The following RIC3 variants were observed in gnomAD, a reference collection of about 807,000 sequenced individuals.
RIC3 encodes the protein protein RIC-3.
In RIC3, 28 loss-of-function variants were observed where a neutral mutation model predicts 27.3. The ratio of observed to expected loss-of-function variants is 1.02; its 90% confidence interval spans 0.76 to 1.41. RIC3 has a LOEUF of 1.41. Ranked by LOEUF, RIC3 falls within the 40% of genes most tolerant of loss-of-function variation. The pLI, the probability that RIC3 is intolerant of heterozygous loss-of-function variation, is 0.00. For missense variants in RIC3, 501 were observed against 444.7 expected (o/e 1.13, Z -1.14); for synonymous variants, 184 against 160.4 (o/e 1.15, Z -1.11).
At chr11:8,134,323 A>T (rs958095005) in intron 4 of RIC3, among the ~76,000 whole-genome samples, 1 of 152,108 alleles carries the variant, frequency 6.6e-6, no homozygotes, top group African/African-American at 2.4e-5. Flanking sequence ...AAGGACATGA[A>T]CTCATCATTT....
At chr11:8,115,339 A>G (rs1302769469) in intron 5 of RIC3, among the ~76,000 whole-genome samples, 1 of 152,104 alleles carries the variant, frequency 6.6e-6, no homozygotes, top group Non-Finnish European at 1.5e-5. Context: ...TCAACCAAGA[A>G]TATTGTAGTT....
rs532640467 is a variant in RIC3 at position 8,134,442 on chromosome 11, G to A, written c.521+2936C>T. Among the ~76,000 whole-genome samples the A allele has an allele frequency of 1.1e-4, 16 of 152,258 alleles. No homozygotes were observed. In the East Asian group the frequency reaches 2.9e-3, roughly 28 times the overall value. ...CCAAGTCTTTGCTATTGTGAATAGT[G>A]CCTCAGTAAACATATGTGTGCATGT... On this transcript the variant is annotated intron_variant, in intron 4 of 5. Coordinates refer to ENST00000309737, the MANE Select transcript of RIC3 (RefSeq NM_001206671.4).
At chr11:8,148,455 T>C (rs1477332609) in intron 1 of RIC3, among the ~76,000 whole-genome samples, 1 of 152,230 alleles carries the variant, frequency 6.6e-6, no homozygotes, top group Non-Finnish European at 1.5e-5. Flanking sequence ...TAATGTTCAA[T>C]AAACTGGATC....
At chr11:8,151,313 C>T (rs909844961) in intron 1 of RIC3, among the ~76,000 whole-genome samples, 6 of 152,040 alleles carry the variant, frequency 3.9e-5, no homozygotes, top group East Asian at 3.9e-4. Context: ...ATAGGCCGGG[C>T]GCGGTGGCTC....
intron 2 of RIC3, 120 bp downstream of exon 2, chr11:8,139,847 T>C (rs541180470): frequency 1.6e-4 from 140 of 874,512 alleles, no homozygotes; most frequent in Non-Finnish European, 2.3e-4. Context: ...AGGCAGGATT[T>C]AAAGAGATGA....
At chr11:8,135,722 G>C (rs1357856570) in intron 4 of RIC3, 1 of 152,184 alleles carries the variant, frequency 6.6e-6, no homozygotes, top group African/African-American at 2.4e-5. Context: ...TGGATTCCTG[G>C]TTTTCATGAC....
intron 1 of RIC3, among the ~76,000 whole-genome samples, chr11:8,162,178 G>A (rs1235836263): frequency 6.6e-6 from 1 of 152,228 alleles, no homozygotes; most frequent in Non-Finnish European, 1.5e-5. Context: ...GAAAATAAGA[G>A]CTAGAGCCCC....
intron 1 of RIC3, among the ~76,000 whole-genome samples, chr11:8,163,100 A>G (rs1247470749): frequency 3.3e-5 from 5 of 151,336 alleles, no homozygotes; most frequent in Non-Finnish European, 2.9e-5. Flanking sequence ...TGCCTCCTCA[A>G]TTTAGCCAAG....
chr11:8,109,469 A>G lies in RIC3; in HGVS notation c.*1229T>C, dbSNP rs1349425189. Reference sequence around the variant, plus strand: ...GGAGAAAAGGCCTTTAGTTTGGTCAAAATCCTCCCAGTCTTAATCTAGTTG... The same window carrying G: ...GGAGAAAAGGCCTTTAGTTTGGTCAGAATCCTCCCAGTCTTAATCTAGTTG... On this transcript the variant is annotated 3_prime_UTR_variant, in exon 6 of 6. Transcript: ENST00000309737. The G allele has an allele frequency of 1.3e-5, 2 of 152,148 alleles. No individual in the cohort carries two copies. The highest frequency in any genetic ancestry group is 1.3e-4 in the Admixed American group (2 of 15,276). 9.4% of individuals were successfully genotyped at this position (152,148 alleles called of 1,614,324 possible). A position where few individuals can be genotyped will look rare whatever the true frequency, so the allele number is the denominator to read the frequency against.
At chr11:8,112,467 G>A (rs927118579) in intron 5 of RIC3, among the ~76,000 whole-genome samples, 2 of 151,804 alleles carry the variant, frequency 1.3e-5, no homozygotes, top group African/African-American at 4.8e-5. Context: ...CTAATTTTTT[G>A]TATTTTTAGC....
At chr11:8,119,157 T>C (rs192845315) in intron 5 of RIC3, among the ~76,000 whole-genome samples, 287 of 152,294 alleles carry the variant, frequency 1.9e-3, no homozygotes, top group Non-Finnish European at 3.3e-3. Context: ...AGTCTTCAGA[T>C]GGGAAGGACT....
the RIC3 span, among the ~76,000 whole-genome samples, chr11:8,094,686 C>T: frequency 4.6e-5 from 7 of 152,226 alleles, no homozygotes; most frequent in Non-Finnish European, 8.8e-5. Context: ...TCCCTCTGCT[C>T]CTCTTTCTCC....
rs1340990871 is a variant in RIC3, at chr11:8,137,447, T to G, written c.452A>C (p.Gln151Pro). The change falls in exon 4 of 6, where the codon CAA becomes CCA. Residue 151 changes from glutamine to proline, a missense_variant. Gln to Pro is a moderately conservative substitution (Grantham distance 76). Transcript: ENST00000309737. ...TGCTTCTGTCTCCTTCAGTTTTTCTTGCAGTTGAGCAAGCTCAAAACTGGC... is the reference window on the plus strand; with the variant it reads ...TGCTTCTGTCTCCTTCAGTTTTTCTGGCAGTTGAGCAAGCTCAAAACTGGC... The part of the protein sequence containing the change: ...KITSFELAQL[Q>P]EKLKETEAAM... 1 of 1,613,932 alleles carries G rather than the reference T, an allele frequency of 6.2e-7. No individual in the cohort carries two copies. Among genetic ancestry groups the G allele is most frequent in the Non-Finnish European group, 8.5e-7 (1 of 1,180,036 alleles).
chr11:8,119,230 C>T (rs1019521025), intron 5 of RIC3, among the ~76,000 whole-genome samples: 1 of 152,148 alleles, frequency 6.6e-6, no homozygotes, highest in Non-Finnish European at 1.5e-5. Context: ...CAGACACATG[C>T]AGATTATCCA....
downstream of RIC3, chr11:8,103,255 G>C (rs1364185554): frequency 1.3e-5 from 2 of 152,232 alleles, no homozygotes; most frequent in African/African-American, 4.8e-5. Context: ...CTTGGGAACT[G>C]TAAGCTCAAG....
intron 1 of RIC3, among the ~76,000 whole-genome samples, chr11:8,148,791 TAAC>T (rs934350098): frequency 2.6e-5 from 4 of 151,758 alleles, no homozygotes; most frequent in East Asian, 1.9e-4. Context: ...AAGACATAAA[TAAC>T]AGCAGCAGCA....
At chr11:8,128,955 C>T (rs1007402453) in intron 4 of RIC3, among the ~76,000 whole-genome samples, 6 of 151,672 alleles carry the variant, frequency 4.0e-5, no homozygotes, top group Non-Finnish European at 7.4e-5. Context: ...GGGGTTTCAC[C>T]GTGTTAGCCA....
chr11:8,122,076 A>G (rs1004571012), intron 5 of RIC3, among the ~76,000 whole-genome samples: 6 of 152,166 alleles, frequency 3.9e-5, no homozygotes, highest in African/African-American at 1.4e-4. Context: ...TACTAGTAAT[A>G]CAGAAATCCC....
chr11:8,168,309 C>T (rs1227890560), intron 1 of RIC3, among the ~76,000 whole-genome samples: 3 of 152,142 alleles, frequency 2.0e-5, no homozygotes, highest in South Asian at 2.1e-4. Flanking sequence ...TTCATAACCA[C>T]CTCAGTAACT....
Sources: allele counts gnomAD v4.1 joint callset (sites outside exome capture counted in the v4.1 genomes callset), GRCh38; gene constraint gnomAD v4.1.1; transcripts MANE v1.5; gene names NCBI Gene and HGNC (gene_info 2026-07-23, HGNC 2026-07-21).